GRM1: variants seen among roughly 807,000 people sequenced by gnomAD.
GRM1 encodes glutamate metabotropic receptor 1.
GRM1 carries 33 observed loss-of-function variants against 90.9 expected under a neutral mutation model. The ratio of observed to expected loss-of-function variants is 0.36; its 90% confidence interval spans 0.28 to 0.49. GRM1 has a LOEUF of 0.49. Among genes scored for constraint, GRM1 ranks in the 20% least tolerant of loss-of-function variants. GRM1 has a pLI of 0.99. For missense variants in GRM1, 1,190 were observed against 1,534.3 expected (o/e 0.78, Z 3.75); for synonymous variants, 700 against 613.2 (o/e 1.14, Z -2.09).
chr6:146,353,908 A>G (rs547937708), intron 4 of GRM1, among the ~76,000 whole-genome samples: 1 of 152,322 alleles, frequency 6.6e-6, no homozygotes, highest in African/African-American at 2.4e-5. Flanking sequence ...CTGGGATTAC[A>G]GGCGTGAGCC....
intron 2 of GRM1, among the ~76,000 whole-genome samples, chr6:146,264,136 C>A (rs6904501): frequency 0.092 from 14,045 of 152,074 alleles, 1,697 homozygotes; most frequent in African/African-American, 0.28. Flanking sequence ...TGCAACTGAA[C>A]ATTTGCTGTA....
At position 146,093,767 on chromosome 6, in the gene GRM1, G is replaced by A. The variant is rs867628789; in HGVS notation, c.700+63550G>A. 2.0e-5 allele frequency among the ~76,000 whole-genome samples: 3 copies of A among 152,058 alleles called. No individual in the cohort carries two copies. The South Asian group carries it at 6.2e-4, about 32-fold the overall frequency. ...AAGGTGCTCAATAAAGGACTGCCAG[G>A]AACAAAGAGCCACTCTCCTTAGGTG... On this transcript the variant is annotated intron_variant, in intron 1 of 7. Coordinates refer to ENST00000282753, the MANE Select transcript of GRM1 (RefSeq NM_001278064.2).
chr6:146,379,455 T>C (rs1424824670), intron 5 of GRM1, among the ~76,000 whole-genome samples: 1 of 151,098 alleles, frequency 6.6e-6, no homozygotes, highest in Admixed American at 6.6e-5. Context: ...GTTAAATTTA[T>C]CTGATAGAAT....
At chr6:146,291,390 A>G (rs972531764) in intron 2 of GRM1, among the ~76,000 whole-genome samples, 1 of 150,704 alleles carries the variant, frequency 6.6e-6, no homozygotes, top group Non-Finnish European at 1.5e-5. Flanking sequence ...TATATTATAT[A>G]TATATTTATT....
chr6:146,230,129 A>G (rs1046415551), intron 2 of GRM1, among the ~76,000 whole-genome samples: 14 of 152,242 alleles, frequency 9.2e-5, no homozygotes, highest in African/African-American at 1.4e-4. Flanking sequence ...AGTGGTTGAT[A>G]CATTGTTTAC....
At chr6:146,413,318 A>G (rs1337367755) in intron 7 of GRM1, among the ~76,000 whole-genome samples, 3 of 152,060 alleles carry the variant, frequency 2.0e-5, no homozygotes, top group Admixed American at 6.5e-5. Context: ...TTCTTTTTCT[A>G]TAAAGTCTAG....
intron 7 of GRM1, among the ~76,000 whole-genome samples, chr6:146,422,989 G>A (rs977235167): frequency 6.6e-6 from 1 of 151,654 alleles, no homozygotes; most frequent in East Asian, 1.9e-4. Flanking sequence ...GGGAAAGAAA[G>A]GAAGGAAGGA....
chr6:146,423,466 T>G (rs58418817), intron 7 of GRM1, among the ~76,000 whole-genome samples: 1 of 36,732 alleles, frequency 2.7e-5, no homozygotes, highest in South Asian at 1.6e-3. Flanking sequence ...AGATGCTCTA[T>G]TTTTTTTTTT....
intron 2 of GRM1, among the ~76,000 whole-genome samples, chr6:146,177,926 T>A (rs938464704): frequency 6.6e-6 from 1 of 152,154 alleles, no homozygotes; most frequent in African/African-American, 2.4e-5. Flanking sequence ...ATTCTTGGAT[T>A]TACAGAAAAA....
chr6:146,155,726 G>C (rs1463090358), intron 1 of GRM1, among the ~76,000 whole-genome samples: 1 of 152,122 alleles, frequency 6.6e-6, no homozygotes, highest in Non-Finnish European at 1.5e-5. Flanking sequence ...AAAGATAAAA[G>C]CCTCCTGGGA....
chr6:146,421,644 T>C (rs1562689150), intron 7 of GRM1, among the ~76,000 whole-genome samples: 2 of 152,170 alleles, frequency 1.3e-5, no homozygotes, highest in African/African-American at 2.4e-5. Flanking sequence ...GTCAAATCTA[T>C]GGTGGTAACT....
chr6:146,414,555 A>C (rs1183966968), intron 7 of GRM1, among the ~76,000 whole-genome samples: 1 of 152,000 alleles, frequency 6.6e-6, no homozygotes, highest in African/African-American at 2.4e-5. Context: ...GGCGCCCGCC[A>C]CCACGCCTGG....
chr6:146,211,819 C>T (rs778801050), intron 2 of GRM1, among the ~76,000 whole-genome samples: 1 of 152,152 alleles, frequency 6.6e-6, no homozygotes, highest in African/African-American at 2.4e-5. Flanking sequence ...ATTCCACTGA[C>T]TGGCTTGTGT....
intron 3 of GRM1, among the ~76,000 whole-genome samples, chr6:146,312,149 G>A (rs1562600091): frequency 6.6e-6 from 1 of 151,738 alleles, no homozygotes; most frequent in Non-Finnish European, 1.5e-5. Flanking sequence ...AGACCATCTT[G>A]GCTAACACAC....
chr6:146,193,922 A>G (rs569117011), intron 2 of GRM1, among the ~76,000 whole-genome samples: 4 of 151,242 alleles, frequency 2.6e-5, no homozygotes, highest in Non-Finnish European at 5.9e-5. Flanking sequence ...GGACATGGAC[A>G]TTCTTCATTT....
At chr6:146,105,977 A>G (rs1349499555) in intron 1 of GRM1, among the ~76,000 whole-genome samples, 2 of 152,126 alleles carry the variant, frequency 1.3e-5, no homozygotes, top group African/African-American at 4.8e-5. Flanking sequence ...GCAATATCTC[A>G]TAAAGCAAAT....
chr6:146,093,862 G>A (rs1776792015), intron 1 of GRM1, among the ~76,000 whole-genome samples: 1 of 152,016 alleles, frequency 6.6e-6, no homozygotes, highest in South Asian at 2.1e-4. Context: ...CACATTTCTA[G>A]GTCGATTTTC....
intron 1 of GRM1, among the ~76,000 whole-genome samples, chr6:146,128,570 G>A (rs1776281447): frequency 6.6e-6 from 1 of 151,956 alleles, no homozygotes; most frequent in Admixed American, 6.6e-5. Flanking sequence ...GTTATTTTCA[G>A]GATCAAACAA....
At chr6:146,353,086 G>A (rs983708250) in intron 4 of GRM1, among the ~76,000 whole-genome samples, 1 of 152,106 alleles carries the variant, frequency 6.6e-6, no homozygotes, top group Admixed American at 6.5e-5. Context: ...CAGATGAAAA[G>A]TAAACCAAGG....
Sources: allele counts gnomAD v4.1 joint callset (sites outside exome capture counted in the v4.1 genomes callset), GRCh38; gene constraint gnomAD v4.1.1; transcripts MANE v1.5; gene names NCBI Gene and HGNC (gene_info 2026-07-23, HGNC 2026-07-21).